The following FAM168A variants were observed in gnomAD, a reference collection of about 807,000 sequenced individuals.
The protein encoded by FAM168A is family with sequence similarity 168 member A, also known as protein FAM168A.
FAM168A carries 3 observed loss-of-function variants against 28.5 expected under a neutral mutation model. That is an observed-to-expected ratio of 0.11 (90% CI 0.05 to 0.27). FAM168A has a LOEUF of 0.27. Among genes scored for constraint, FAM168A ranks in the 10% least tolerant of loss-of-function variants. The pLI, the probability that FAM168A is intolerant of heterozygous loss-of-function variation, is 1.00. For synonymous variants in FAM168A, 122 were observed against 124.2 expected (o/e 0.98, Z 0.12); for missense variants, 222 against 311.5 (o/e 0.71, Z 2.16).
At chr11:73,456,449 C>T (rs2134555389) in intron 2 of FAM168A, among the ~76,000 whole-genome samples, 1 of 152,154 alleles carries the variant, frequency 6.6e-6, no homozygotes, top group Non-Finnish European at 1.5e-5. Flanking sequence ...TCACTGTGAA[C>T]AGATACATGG....
chr11:73,433,335 G>T (rs1227544358), intron 2 of FAM168A, among the ~76,000 whole-genome samples: 2 of 150,114 alleles, frequency 1.3e-5, no homozygotes, highest in African/African-American at 4.9e-5. Flanking sequence ...TCTGTGGATT[G>T]TCTTTTTACT....
Position 73,406,728 on chromosome 11 carries a change from A to G in FAM168A, c.*35T>C, listed in dbSNP as rs1866513113. ...GTGTAAGACTTGAGTAGTTGCATAC[A>G]ATGTGTGACTCCAGATCTGCAGAGG... On this transcript the variant is annotated 3_prime_UTR_variant, in exon 8 of 8. Coordinates refer to ENST00000356467, the MANE Select transcript of FAM168A (RefSeq NM_015159.3). 1 of 152,624 alleles carries G rather than the reference A, an allele frequency of 6.6e-6. No individual in the cohort carries two copies. Among genetic ancestry groups the G allele is most frequent in the Non-Finnish European group, 1.5e-5 (1 of 68,040 alleles). 9.5% of individuals were successfully genotyped at this position (152,624 alleles called of 1,614,324 possible).
intron 1 of FAM168A, among the ~76,000 whole-genome samples, chr11:73,559,134 G>A (rs536053520): frequency 2.0e-5 from 3 of 152,268 alleles, no homozygotes; most frequent in African/African-American, 4.8e-5. Flanking sequence ...CTAGCCGGGC[G>A]TGTTGGCTTA....
At chr11:73,518,578 G>A (rs1376907069) in intron 1 of FAM168A, among the ~76,000 whole-genome samples, 2 of 151,874 alleles carry the variant, frequency 1.3e-5, no homozygotes, top group Non-Finnish European at 2.9e-5. Context: ...TTCTTGCTCT[G>A]TTTGTTCCCT....
At chr11:73,454,012 G>A (rs890961618) in intron 2 of FAM168A, among the ~76,000 whole-genome samples, 5 of 152,228 alleles carry the variant, frequency 3.3e-5, no homozygotes, top group Non-Finnish European at 7.3e-5. Flanking sequence ...CTTATGGACA[G>A]GCTGGCTTTC....
intron 1 of FAM168A, among the ~76,000 whole-genome samples, chr11:73,531,759 T>C (rs904649530): frequency 6.6e-6 from 1 of 151,726 alleles, no homozygotes; most frequent in Non-Finnish European, 1.5e-5. Context: ...TCCCCTTCTG[T>C]CTAAAGAGCT....
chr11:73,431,146 A>G (rs1329039596), intron 2 of FAM168A, among the ~76,000 whole-genome samples: 2 of 152,136 alleles, frequency 1.3e-5, no homozygotes, highest in African/African-American at 4.8e-5. Context: ...GTTCAAGACC[A>G]GCCTGGCCAA....
chr11:73,477,538 G>T (rs371535215), intron 1 of FAM168A, among the ~76,000 whole-genome samples: 1 of 151,828 alleles, frequency 6.6e-6, no homozygotes, highest in Admixed American at 6.6e-5. Flanking sequence ...ATCCATAACC[G>T]GACACAATAT....
At chr11:73,545,649 T>C (rs1590846042) in intron 1 of FAM168A, among the ~76,000 whole-genome samples, 1 of 151,946 alleles carries the variant, frequency 6.6e-6, no homozygotes, top group East Asian at 1.9e-4. Flanking sequence ...GGGCTTATTT[T>C]GGATTCAACT....
At chr11:73,556,542 G>A (rs1943892635) in intron 1 of FAM168A, among the ~76,000 whole-genome samples, 1 of 152,018 alleles carries the variant, frequency 6.6e-6, no homozygotes. Context: ...GGGGTAGGGA[G>A]AATGGGGCAA....
chr11:73,582,471 C>T (rs762265481), intron 1 of FAM168A, among the ~76,000 whole-genome samples: 1 of 151,334 alleles, frequency 6.6e-6, no homozygotes, highest in Non-Finnish European at 1.5e-5. Flanking sequence ...TGCAGTGAGT[C>T]GAGATGGTGC....
intron 4 of FAM168A, among the ~76,000 whole-genome samples, chr11:73,417,684 C>A (rs1432359362): frequency 6.6e-6 from 1 of 151,796 alleles, no homozygotes; most frequent in Middle Eastern, 3.2e-3. Flanking sequence ...CTCAGCCTCC[C>A]GAGTAGCTGG....
intron 4 of FAM168A, among the ~76,000 whole-genome samples, chr11:73,412,774 G>T (rs2134484224): frequency 6.6e-6 from 1 of 152,260 alleles, no homozygotes; most frequent in East Asian, 1.9e-4. Context: ...TTCCATCTTG[G>T]GTAAGTCTAG....
chr11:73,404,372 C>T lies in FAM168A; in HGVS notation c.*2391G>A, dbSNP rs759686688. The T allele has an allele frequency of 6.6e-6, 1 of 152,154 alleles. No homozygotes were observed. Among genetic ancestry groups the T allele is most frequent in the Non-Finnish European group, 1.5e-5 (1 of 68,036 alleles). The allele number at this position is 152,154 out of a possible 1,614,324, so 9.4% of individuals were successfully genotyped here. ...AACTCTAACCCTGTCCCTCTCAGGG[C>T]GAGTACATGAAAGGCCGTGAAGTGC... On this transcript the variant is annotated 3_prime_UTR_variant, in exon 8 of 8. Coordinates refer to ENST00000356467, the MANE Select transcript of FAM168A (RefSeq NM_015159.3).
At chr11:73,591,667 A>G (rs1322332606) in intron 1 of FAM168A, among the ~76,000 whole-genome samples, 1 of 152,158 alleles carries the variant, frequency 6.6e-6, no homozygotes, top group South Asian at 2.1e-4. Context: ...ACGCCACCAC[A>G]TCCAGATAAT....
At chr11:73,478,090 G>A (rs1268174132) in intron 1 of FAM168A, among the ~76,000 whole-genome samples, 1 of 152,114 alleles carries the variant, frequency 6.6e-6, no homozygotes, top group Non-Finnish European at 1.5e-5. Flanking sequence ...AAAAACAAGA[G>A]TCCAAAGTAA....
chr11:73,515,877 C>T (rs572967302), intron 1 of FAM168A, among the ~76,000 whole-genome samples: 124 of 151,944 alleles, frequency 8.2e-4, no homozygotes, highest in Middle Eastern at 6.8e-3. Flanking sequence ...CTGAGGCGGG[C>T]GGATCACAAG....
At chr11:73,482,124 C>T (rs1285932043) in intron 1 of FAM168A, among the ~76,000 whole-genome samples, 1 of 150,884 alleles carries the variant, frequency 6.6e-6, no homozygotes, top group African/African-American at 2.4e-5. Context: ...ATAAATTACC[C>T]AGTCTCAGGT....
In FAM168A at chr11:73,468,511, A is replaced by T. The variant is rs756849332; in HGVS notation, c.-18-19T>A. ...GAGGATCCTACAGAGAAAACAAAGA[A>T]AACAGCACTGATATTGATTGTTCAT... On this transcript the variant is annotated intron_variant, in intron 1 of 7. Coordinates refer to ENST00000356467, the MANE Select transcript of FAM168A (RefSeq NM_015159.3). The T allele has an allele frequency of 5.8e-6, 9 of 1,561,176 alleles. No individual in the cohort carries two copies. The highest frequency in any genetic ancestry group is 7.9e-6 in the Non-Finnish European group (9 of 1,132,748).
Sources: allele counts gnomAD v4.1 joint callset (sites outside exome capture counted in the v4.1 genomes callset), GRCh38; gene constraint gnomAD v4.1.1; transcripts MANE v1.5; gene names NCBI Gene and HGNC (gene_info 2026-07-23, HGNC 2026-07-21).